The following WDR5 variants were observed in gnomAD, a reference collection of about 807,000 sequenced individuals.
WDR5 encodes the protein WD repeat-containing protein 5.
For synonymous variants in WDR5, 144 were observed against 161.6 expected (o/e 0.89, Z 0.83); for missense variants, 187 against 416.9 (o/e 0.45, Z 4.80).
intron 1 of WDR5, among the ~76,000 whole-genome samples, chr9:134,137,437 C>T (rs1018495765): frequency 6.6e-6 from 1 of 152,038 alleles, no homozygotes; most frequent in Non-Finnish European, 1.5e-5. Context: ...AATCCTAGCA[C>T]TTTGGGAGGC....
chr9:134,149,568 C>T (rs1383056037), intron 8 of WDR5, among the ~76,000 whole-genome samples: 5 of 152,196 alleles, frequency 3.3e-5, no homozygotes, highest in Admixed American at 2.6e-4. Context: ...CCCGGCCCCT[C>T]TGTGTGTGTG....
At chr9:134,141,254 C>A (rs1399131283) in intron 3 of WDR5, among the ~76,000 whole-genome samples, 1 of 152,104 alleles carries the variant, frequency 6.6e-6, no homozygotes, top group Non-Finnish European at 1.5e-5. Context: ...CCACTGCACT[C>A]CAGCCTGGGC....
intron 1 of WDR5, among the ~76,000 whole-genome samples, chr9:134,136,888 C>T (rs899379513): frequency 6.6e-6 from 1 of 152,226 alleles, no homozygotes; most frequent in African/African-American, 2.4e-5. Flanking sequence ...TTACCCATCT[C>T]CTCAAATGCT....
chr9:134,141,755 C>G (rs985331767), intron 4 of WDR5, among the ~76,000 whole-genome samples, 172 bp downstream of exon 4: 4 of 152,088 alleles, frequency 2.6e-5, no homozygotes, highest in Admixed American at 6.6e-5. Flanking sequence ...CATTTGACTT[C>G]CATGGAGGAG....
At chr9:134,137,443 G>A (rs1204649086) in intron 1 of WDR5, among the ~76,000 whole-genome samples, 1 of 152,064 alleles carries the variant, frequency 6.6e-6, no homozygotes, top group African/African-American at 2.4e-5. Flanking sequence ...AGCACTTTGG[G>A]AGGCTGAGGC....
In WDR5 at chr9:134,142,410, T is replaced by A; in HGVS notation, c.432T>A (p.Ile144=). 6.2e-7 allele frequency: 1 copy of A among 1,614,204 alleles called. No homozygotes were observed. The highest frequency in any genetic ancestry group is 2.2e-5 in the East Asian group (1 of 44,890). Residue 144 remains isoleucine, a synonymous_variant, in exon 6 of 14, where the codon ATT becomes ATA. Transcript: ENST00000358625. The part of the protein sequence containing the change: ...CCNFNPQSNL[I]VSGSFDESVR... Reference sequence around the variant, plus strand: ...ACTTCAATCCCCAGTCCAACCTTATTGTCTCAGGATCCGTAAGTGTGGCTG... The same window carrying A: ...ACTTCAATCCCCAGTCCAACCTTATAGTCTCAGGATCCGTAAGTGTGGCTG...
rs151292054 is a variant in WDR5 at position 134,142,929 on chromosome 9, G to A, written c.528+210G>A. On this transcript the variant is annotated intron_variant, in intron 7 of 13. Transcript: ENST00000358625. ...GCAGTGGAGGGATGGCGAGGGGGTG[G>A]TGAGGTGTCAGTGGGGTGCCCTGTG... Among the ~76,000 whole-genome samples the A allele has an allele frequency of 8.9e-3, 1,348 of 152,308 alleles. 12 individuals carry two copies. Among genetic ancestry groups the A allele is most frequent in the Non-Finnish European group, 0.014 (972 of 68,018 alleles).
At chr9:134,136,862 A>C (rs1049399953) in intron 1 of WDR5, among the ~76,000 whole-genome samples, 1 of 151,046 alleles carries the variant, frequency 6.6e-6, no homozygotes, top group African/African-American at 2.4e-5. Flanking sequence ...GCAAGTTTCC[A>C]CTCACCCCGG....
intron 13 of WDR5, among the ~76,000 whole-genome samples, 191 bp downstream of exon 13, chr9:134,156,784 C>T (rs1273362112): frequency 6.6e-6 from 1 of 152,214 alleles, no homozygotes; most frequent in Non-Finnish European, 1.5e-5. Flanking sequence ...GCTGCCGACT[C>T]AGACCCGGGC....
chr9:134,146,542 A>G (rs748745024), intron 7 of WDR5, among the ~76,000 whole-genome samples: 1 of 152,148 alleles, frequency 6.6e-6, no homozygotes, highest in Non-Finnish European at 1.5e-5. Flanking sequence ...GGCCTCCCTT[A>G]TCTACCTCCT....
intron 9 of WDR5, among the ~76,000 whole-genome samples, chr9:134,153,738 C>CT (rs1160708344): frequency 1.4e-5 from 2 of 144,970 alleles, no homozygotes; most frequent in Middle Eastern, 3.3e-3. Flanking sequence ...CGTGCACGTG[C>CT]TTGGGGGTCG....
rs1215738075 is a variant in WDR5 at position 134,142,185 on chromosome 9, TG to T, written c.355-143del. On this transcript the variant is annotated intron_variant, in intron 5 of 13. Coordinates refer to ENST00000358625, the MANE Select transcript of WDR5 (RefSeq NM_017588.3). Reference sequence around the variant, plus strand: ...TGCAGGGGCATGGGGCGGGGGTGGGTGGGGGAGGCCGAGTTGACTTCGGGGA... The same window carrying T: ...TGCAGGGGCATGGGGCGGGGGTGGGTGGGGAGGCCGAGTTGACTTCGGGGA... 5 of 163,642 alleles carry T rather than the reference TG, an allele frequency of 3.1e-5. No individual in the cohort carries two copies. In the East Asian group the frequency reaches 7.8e-4, roughly 26 times the overall value. The allele number at this position is 163,642 out of a possible 1,614,324, so 10.1% of individuals were successfully genotyped here.
chr9:134,145,248 A>G (rs1467196306), intron 7 of WDR5, among the ~76,000 whole-genome samples: 1 of 151,792 alleles, frequency 6.6e-6, no homozygotes, highest in Non-Finnish European at 1.5e-5. Context: ...ACAGGTGCCC[A>G]CTACCACGAC....
At chr9:134,154,627 G>A (rs979869455) in intron 10 of WDR5, 86 bp downstream of exon 10, 24 of 1,473,442 alleles carry the variant, frequency 1.6e-5, no homozygotes, top group East Asian at 2.3e-5. Flanking sequence ...TTTGGAGAGC[G>A]TGTTGTGGGC....
At chr9:134,144,729 A>G (rs1588172042) in intron 7 of WDR5, among the ~76,000 whole-genome samples, 1 of 152,000 alleles carries the variant, frequency 6.6e-6, no homozygotes, top group African/African-American at 2.4e-5. Context: ...GGTCCCAGCT[A>G]CTTGGAGGAC....
At chr9:134,140,847 G>A (rs1215528844) in intron 3 of WDR5, 36 bp downstream of exon 3, 3 of 1,589,292 alleles carry the variant, frequency 1.9e-6, no homozygotes, top group Non-Finnish European at 2.6e-6. Flanking sequence ...GCTGGGAGAG[G>A]CGGTCTGAGC....
At chr9:134,137,681 A>C (rs1468658016) in intron 1 of WDR5, among the ~76,000 whole-genome samples, 4 of 136,964 alleles carry the variant, frequency 2.9e-5, no homozygotes, top group African/African-American at 7.7e-5. Flanking sequence ...AAAAAAACAA[A>C]AACAAAAAAA....
chr9:134,137,983 C>G (rs946165996), intron 1 of WDR5, among the ~76,000 whole-genome samples: 2 of 152,182 alleles, frequency 1.3e-5, no homozygotes, highest in Admixed American at 6.5e-5. Context: ...ACCTCGTGAT[C>G]TGCCCACCTC....
At chr9:134,144,022 G>A (rs548144963) in intron 7 of WDR5, among the ~76,000 whole-genome samples, 4 of 152,354 alleles carry the variant, frequency 2.6e-5, no homozygotes, top group South Asian at 4.1e-4. Context: ...CTGCCTGCCC[G>A]TGTGCCTTTC....
Sources: gnomAD v4.1 joint callset for allele counts (sites outside exome capture counted in the v4.1 genomes callset) on GRCh38, gnomAD v4.1.1 for gene constraint, MANE v1.5 for transcripts, NCBI Gene and HGNC (gene_info 2026-07-23, HGNC 2026-07-21) for gene names.